The following KLHL29 variants were observed in gnomAD, a reference collection of about 807,000 sequenced individuals.
KLHL29 encodes kelch like family member 29.
In KLHL29, 21 loss-of-function variants were observed where a neutral mutation model predicts 80.4. That is an observed-to-expected ratio of 0.26 (90% CI 0.19 to 0.38). KLHL29 has a LOEUF of 0.38. Among genes scored for constraint, KLHL29 ranks in the 10% least tolerant of loss-of-function variants. KLHL29 has a pLI of 1.00. For synonymous variants in KLHL29, 511 were observed against 526.8 expected (o/e 0.97, Z 0.41); for missense variants, 867 against 1,223.9 (o/e 0.71, Z 4.35).
intron 5 of KLHL29, among the ~76,000 whole-genome samples, chr2:23,658,240 C>T (rs534058177): frequency 3.9e-5 from 6 of 152,210 alleles, no homozygotes; most frequent in Non-Finnish European, 7.4e-5. Context: ...GCGGAGCTCC[C>T]AGCCTGTGCC....
At position 23,642,867 on chromosome 2, in the gene KLHL29, C is replaced by A. The variant is rs61742866; in HGVS notation, c.940+17C>A. ...ACCCCAGAGGTAAGTCCTGCTGCCACGTGCCTCCCCACGGGCCTGCGTCTG... is the reference window on the plus strand; with the variant it reads ...ACCCCAGAGGTAAGTCCTGCTGCCAAGTGCCTCCCCACGGGCCTGCGTCTG... On this transcript the variant is annotated intron_variant, in intron 5 of 13. Transcript: ENST00000486442. 6.5e-7 allele frequency: 1 copy of A among 1,550,132 alleles called. No individual in the cohort carries two copies. The highest frequency in any genetic ancestry group is 2.0e-5 in the Admixed American group (1 of 50,996).
At chr2:23,488,576 A>G (rs1406520760) in intron 2 of KLHL29, among the ~76,000 whole-genome samples, 1 of 152,266 alleles carries the variant, frequency 6.6e-6, no homozygotes, top group Non-Finnish European at 1.5e-5. Flanking sequence ...AGAGAAAAGC[A>G]GAAAGGTTTT....
intron 5 of KLHL29, chr2:23,668,681 G>A (rs6715626): frequency 0.75 from 113,486 of 151,998 alleles, 45,056 homozygotes; most frequent in East Asian, 0.99. Context: ...GGGACAGGCG[G>A]GGTTCTTCCT....
At chr2:23,639,395 A>G in intron 4 of KLHL29, 115 bp downstream of exon 4, 1 of 1,021,362 alleles carries the variant, frequency 9.8e-7, no homozygotes, top group Admixed American at 3.1e-5. Context: ...GGCCTGCAGA[A>G]GCCCCCTCCT....
Position 23,519,547 on chromosome 2 carries a change from G to T in KLHL29, c.-45-42605G>T, listed in dbSNP as rs150683933. Among the ~76,000 whole-genome samples, 606 of 152,244 alleles carry T rather than the reference G, an allele frequency of 4.0e-3. 5 individuals carry two copies. Among genetic ancestry groups the T allele is most frequent in the African/African-American group, 0.014 (580 of 41,548 alleles). On this transcript the variant is annotated intron_variant, in intron 2 of 13. Coordinates refer to ENST00000486442, the MANE Select transcript of KLHL29 (RefSeq NM_052920.2). ...TTTAGGAGCTGTCAGCAGAGGGAGT[G>T]TTGGCATAAACCACCCTGGGGTATG...
intron 2 of KLHL29, among the ~76,000 whole-genome samples, chr2:23,527,905 C>G (rs1297189131): frequency 2.0e-5 from 3 of 152,196 alleles, no homozygotes; most frequent in Non-Finnish European, 4.4e-5. Context: ...GCAGCCCAGG[C>G]TCTGCCAGGA....
At chr2:23,607,692 A>G (rs1443183657) in intron 3 of KLHL29, among the ~76,000 whole-genome samples, 1 of 152,190 alleles carries the variant, frequency 6.6e-6, no homozygotes, top group African/African-American at 2.4e-5. Context: ...ATGACAATAG[A>G]TTCTCATAGG....
intron 3 of KLHL29, among the ~76,000 whole-genome samples, chr2:23,600,460 C>T (rs924047652): frequency 3.9e-5 from 6 of 152,172 alleles, no homozygotes; most frequent in African/African-American, 1.4e-4. Flanking sequence ...GGTCTTGCAA[C>T]CTGGGCACTG....
At chr2:23,544,107 G>T (rs1057081352) in intron 2 of KLHL29, among the ~76,000 whole-genome samples, 1 of 152,224 alleles carries the variant, frequency 6.6e-6, no homozygotes, top group African/African-American at 2.4e-5. Flanking sequence ...GCCCCCATCA[G>T]ATAGGGGCAG....
At chr2:23,686,882 G>A (rs534178658) in intron 6 of KLHL29, among the ~76,000 whole-genome samples, 74 of 152,194 alleles carry the variant, frequency 4.9e-4, no homozygotes, top group Non-Finnish European at 9.3e-4. Flanking sequence ...GCTGAAAGTC[G>A]CCGTGTTCGT....
intron 1 of KLHL29, among the ~76,000 whole-genome samples, chr2:23,407,884 A>G (rs1477529727): frequency 3.9e-5 from 6 of 151,938 alleles, no homozygotes; most frequent in African/African-American, 1.5e-4. Context: ...TACCTCTCAT[A>G]CATTAAATTC....
chr2:23,446,707 A>G (rs1663700164), intron 1 of KLHL29, among the ~76,000 whole-genome samples: 1 of 152,188 alleles, frequency 6.6e-6, no homozygotes, highest in East Asian at 1.9e-4. Context: ...TCACTACATC[A>G]TTCTCTCACG....
At chr2:23,489,733 C>T (rs1301648314) in intron 2 of KLHL29, among the ~76,000 whole-genome samples, 2 of 151,592 alleles carry the variant, frequency 1.3e-5, no homozygotes, top group African/African-American at 4.8e-5. Flanking sequence ...CCTGCAACAG[C>T]TGGGGAGAGG....
Position 23,693,316 on chromosome 2 carries a change from G to C in KLHL29, c.1330G>C (p.Glu444Gln). The C allele has an allele frequency of 1.3e-6, 2 of 1,549,772 alleles. No homozygotes were observed. Among genetic ancestry groups the C allele is most frequent in the Non-Finnish European group, 1.7e-6 (2 of 1,145,978 alleles). Reference protein sequence around the residue: ...SNCLGVLAMAEAMQCSELYHM... With the variant: ...SNCLGVLAMAQAMQCSELYHM... ...CTGCCTGGGCGTGCTGGCCATGGCC[G>C]AGGCCATGCAGTGCAGCGAGCTCTA... Residue 444 changes from glutamate (E) to glutamine (Q), a missense_variant, in exon 8 of 14, where the codon GAG becomes CAG. This residue lies in a region of KLHL29 where 443 missense variants were observed against 767.0 expected (regional missense o/e 0.58). Transcript: ENST00000486442.
At chr2:23,462,867 G>A (rs572356322) in intron 1 of KLHL29, among the ~76,000 whole-genome samples, 3 of 152,274 alleles carry the variant, frequency 2.0e-5, no homozygotes, top group East Asian at 3.9e-4. Flanking sequence ...GGGCATGGTG[G>A]CTCACACCTG....
intron 3 of KLHL29, chr2:23,616,462 G>T (rs768203599): frequency 1.3e-5 from 2 of 152,256 alleles, no homozygotes; most frequent in East Asian, 1.9e-4. Context: ...TCCTCGCCCC[G>T]CATCCTATTC....
At chr2:23,697,158 G>A (rs1231829494) in intron 11 of KLHL29, 3 of 152,460 alleles carry the variant, frequency 2.0e-5, no homozygotes, top group Non-Finnish European at 4.4e-5. Context: ...CCCTCCGCTG[G>A]GAGTCCCAGC....
At chr2:23,502,888 C>G (rs1665494363) in intron 2 of KLHL29, among the ~76,000 whole-genome samples, 1 of 152,210 alleles carries the variant, frequency 6.6e-6, no homozygotes, top group Non-Finnish European at 1.5e-5. Context: ...CCTTTTCAGC[C>G]CTCTCTAGCT....
intron 2 of KLHL29, among the ~76,000 whole-genome samples, chr2:23,520,895 C>T (rs548904544): frequency 1.3e-5 from 2 of 152,182 alleles, no homozygotes; most frequent in South Asian, 4.2e-4. Flanking sequence ...AGAAATGTTA[C>T]ATTATCATAA....
Sources: gnomAD v4.1 joint callset for allele counts (sites outside exome capture counted in the v4.1 genomes callset) on GRCh38, gnomAD v4.1.1 for gene constraint, gnomAD v4.1.1 regional missense constraint, MANE v1.5 for transcripts, NCBI Gene and HGNC (gene_info 2026-07-23, HGNC 2026-07-21) for gene names.